Variants in ZNF197 observed in about 807,000 individuals in gnomAD.
ZNF197 encodes the protein zinc finger protein 197, also known as VHL-associated KRAB-A domain-containing protein.
ZNF197 carries 14 observed loss-of-function variants against 27.4 expected under a neutral mutation model. That is an observed-to-expected ratio of 0.51 (90% CI 0.34 to 0.80). The LOEUF is 0.80. ZNF197 is among the 30% of genes least tolerant of loss of function. The pLI is 0.02. For synonymous variants in ZNF197, 415 were observed against 420.0 expected (o/e 0.99, Z 0.15); for missense variants, 1,090 against 1,222.6 (o/e 0.89, Z 1.62).
rs1429259449 is a variant in ZNF197, at chr3:44,645,163, CATG to C, written c.*946_*948del. On this transcript the variant is annotated 3_prime_UTR_variant, in exon 6 of 6. Coordinates refer to ENST00000344387, the MANE Select transcript of ZNF197 (RefSeq NM_006991.5). Reference sequence around the variant, plus strand: ...TAGTTTCCTGTCAGTCAAATGTTGACATGATACCTACCTCACAGGGTTGTTGTG... The same window carrying C: ...TAGTTTCCTGTCAGTCAAATGTTGACATACCTACCTCACAGGGTTGTTGTG... 4.4e-5 allele frequency: 43 copies of C among 967,586 alleles called. No homozygotes were observed. The highest frequency in any genetic ancestry group is 5.3e-5 in the Non-Finnish European group (43 of 813,730). 59.9% of individuals were successfully genotyped at this position (967,586 alleles called of 1,614,324 possible). A position where few individuals can be genotyped will look rare whatever the true frequency, so the allele number is the denominator to read the frequency against.
In ZNF197 at chr3:44,646,638, C is replaced by G; in HGVS notation, c.*2418C>G. ...AAAAGAGAGGGGAGTGAAAATTGTTCAAGCTGTCTTGAGTCTGCTGTGAGT... is the reference window on the plus strand; with the variant it reads ...AAAAGAGAGGGGAGTGAAAATTGTTGAAGCTGTCTTGAGTCTGCTGTGAGT... On this transcript the variant is annotated 3_prime_UTR_variant, in exon 6 of 6. Coordinates refer to ENST00000344387, the MANE Select transcript of ZNF197 (RefSeq NM_006991.5). 1 of 717,814 alleles carries G rather than the reference C, an allele frequency of 1.4e-6. No individual in the cohort carries two copies. Among genetic ancestry groups the G allele is most frequent in the Non-Finnish European group, 2.5e-6 (1 of 399,216 alleles). The allele number at this position is 717,814 out of a possible 1,614,324, so 44.5% of individuals were successfully genotyped here.
At chr3:44,632,036 C>T in intron 3 of ZNF197, 69 bp from the exon 4 acceptor site, 1 of 1,357,676 alleles carries the variant, frequency 7.4e-7, no homozygotes, top group Non-Finnish European at 1.1e-6. Context: ...TGTGTTATTC[C>T]AGCTCTGCAA....
At chr3:44,639,319 G>T (rs925307090) in intron 5 of ZNF197, among the ~76,000 whole-genome samples, 1 of 151,900 alleles carries the variant, frequency 6.6e-6, no homozygotes, top group Admixed American at 6.6e-5. Flanking sequence ...TTGCTATCAG[G>T]GCAACACTGG....
chr3:44,642,388 C>CTGA lies in ZNF197; in HGVS notation c.1258_1259insTGA (p.His420delinsLeuAsn). 1 of 1,614,092 alleles carries CTGA rather than the reference C, an allele frequency of 6.2e-7. No homozygotes were observed. The highest frequency in any genetic ancestry group is 8.5e-7 in the Non-Finnish European group (1 of 1,179,998). On this transcript the variant is annotated protein_altering_variant, in exon 6 of 6. Transcript: ENST00000344387. ...GAGCCTTCTAATGCATTTACGGAAC[C>CTGA]ATTCAGGGGAGAAACCTTATAAATG...
At chr3:44,637,659 C>T (rs1255776304) in intron 5 of ZNF197, among the ~76,000 whole-genome samples, 2 of 151,988 alleles carry the variant, frequency 1.3e-5, no homozygotes, top group Non-Finnish European at 2.9e-5. Flanking sequence ...GATAAGGATC[C>T]ATCTTCATTC....
Position 44,644,522 on chromosome 3 carries a change from C to T in ZNF197, c.*302C>T. The T allele has an allele frequency of 4.9e-6, 4 of 819,476 alleles. No individual in the cohort carries two copies. Among genetic ancestry groups the T allele is most frequent in the Non-Finnish European group, 6.0e-6 (4 of 666,328 alleles). 50.8% of individuals were successfully genotyped at this position (819,476 alleles called of 1,614,324 possible). On this transcript the variant is annotated 3_prime_UTR_variant, in exon 6 of 6. Coordinates refer to ENST00000344387, the MANE Select transcript of ZNF197 (RefSeq NM_006991.5). ...GCATGGGGGCACACACCGGTAATCCCAGCTACTCAGGAGGCTGAGACAGGA... is the reference window on the plus strand; with the variant it reads ...GCATGGGGGCACACACCGGTAATCCTAGCTACTCAGGAGGCTGAGACAGGA...
intron 5 of ZNF197, among the ~76,000 whole-genome samples, chr3:44,633,997 G>A (rs1015170737): frequency 6.6e-6 from 1 of 152,032 alleles, no homozygotes; most frequent in African/African-American, 2.4e-5. Flanking sequence ...GGCAGTGGTG[G>A]GTGAAACAGT....
At position 44,640,854 on chromosome 3, in the gene ZNF197, G is replaced by A. The variant is rs972802657; in HGVS notation, c.770-1046G>A. ...AGATATGAGGGCCTGACCTAAGAAT[G>A]TCTGTAGTTCAAGTTAATATTTGTT... On this transcript the variant is annotated intron_variant, in intron 5 of 5. Transcript: ENST00000344387. The surrounding 1 kb of genome is among the most constrained non-coding windows in gnomAD (Gnocchi z 4.0). 6.6e-6 allele frequency among the ~76,000 whole-genome samples: 1 copy of A among 152,208 alleles called. No individual in the cohort carries two copies. The highest frequency in any genetic ancestry group is 1.5e-5 in the Non-Finnish European group (1 of 68,036).
intron 2 of ZNF197, chr3:44,630,708 A>G (rs1701939799): frequency 2.6e-6 from 1 of 389,324 alleles, no homozygotes; most frequent in South Asian, 2.0e-5. Flanking sequence ...GTAAATAAGT[A>G]GAAGAGATGT....
intron 1 of ZNF197, among the ~76,000 whole-genome samples, chr3:44,625,764 AC>A (rs1203151495): frequency 6.6e-6 from 1 of 151,908 alleles, no homozygotes; most frequent in African/African-American, 2.4e-5. Flanking sequence ...ACACACACAC[AC>A]ACACACACAC....
intron 5 of ZNF197, among the ~76,000 whole-genome samples, chr3:44,638,155 A>T (rs1263246422): frequency 1.3e-5 from 2 of 152,218 alleles, no homozygotes; most frequent in Admixed American, 1.3e-4. Flanking sequence ...TTTTCAGAAT[A>T]TAAGAATATA....
At chr3:44,633,510 G>A (rs890674797) in intron 5 of ZNF197, among the ~76,000 whole-genome samples, 1 of 152,208 alleles carries the variant, frequency 6.6e-6, no homozygotes, top group Non-Finnish European at 1.5e-5. Context: ...AGGCCATAAA[G>A]GAGGTAGCAT....
chr3:44,638,204 T>C (rs1188620143), intron 5 of ZNF197, among the ~76,000 whole-genome samples: 3 of 152,178 alleles, frequency 2.0e-5, no homozygotes, highest in Non-Finnish European at 4.4e-5. Flanking sequence ...CCTAATCTTA[T>C]TGTTTGAGAC....
chr3:44,632,860 C>T (rs1466988753), intron 5 of ZNF197, among the ~76,000 whole-genome samples: 3 of 151,858 alleles, frequency 2.0e-5, no homozygotes, highest in Admixed American at 2.0e-4. Context: ...TTATAGCTTG[C>T]TTTCCTTGTG....
intron 3 of ZNF197, 70 bp from the exon 4 acceptor site, chr3:44,632,035 C>T (rs1702043033): frequency 7.4e-7 from 1 of 1,344,010 alleles, no homozygotes; most frequent in Non-Finnish European, 1.1e-6. Context: ...TTGTGTTATT[C>T]CAGCTCTGCA....
rs1354350139 is a variant in ZNF197, at chr3:44,645,052, C to T, written c.*832C>T. On this transcript the variant is annotated 3_prime_UTR_variant, in exon 6 of 6. Transcript: ENST00000344387. Reference sequence around the variant, plus strand: ...CTGATGAGGACAACCTAAAAGAGCACTGGATTTGGAATCAGAAGACCTACC... The same window carrying T: ...CTGATGAGGACAACCTAAAAGAGCATTGGATTTGGAATCAGAAGACCTACC... 2 of 985,368 alleles carry T rather than the reference C, an allele frequency of 2.0e-6. No homozygotes were observed. Among genetic ancestry groups the T allele is most frequent in the South Asian group, 9.4e-5 (2 of 21,284 alleles). The allele number at this position is 985,368 out of a possible 1,614,324, so 61.0% of individuals were successfully genotyped here.
At chr3:44,634,766 C>T (rs1454206407) in intron 5 of ZNF197, among the ~76,000 whole-genome samples, 1 of 152,100 alleles carries the variant, frequency 6.6e-6, no homozygotes, top group Non-Finnish European at 1.5e-5. Flanking sequence ...TCTTATTTAT[C>T]ATTTTATTTT....
rs1199568794 is a variant in ZNF197 at position 44,642,987 on chromosome 3, G to A, written c.1857G>A (p.Glu619=). The A allele has an allele frequency of 6.2e-7, 1 of 1,614,010 alleles. No homozygotes were observed. The highest frequency in any genetic ancestry group is 1.1e-5 in the South Asian group (1 of 91,066). The change falls in exon 6 of 6, where the codon GAG becomes GAA. Residue 619 remains glutamate, a synonymous_variant. Transcript: ENST00000344387. ...FIDHKRMHSR[E]KPYKCTECGK... ...ACCATAAGAGGATGCACAGCAGAGA[G>A]AAACCTTACAAATGCACTGAATGTG...
chr3:44,645,482 A>C lies in ZNF197; in HGVS notation c.*1262A>C, dbSNP rs1281669012. 6.1e-6 allele frequency: 6 copies of C among 985,298 alleles called. No homozygotes were observed. Among genetic ancestry groups the C allele is most frequent in the Non-Finnish European group, 7.2e-6 (6 of 829,928 alleles). 61.0% of individuals were successfully genotyped at this position (985,298 alleles called of 1,614,324 possible). On this transcript the variant is annotated 3_prime_UTR_variant, in exon 6 of 6. Transcript: ENST00000344387. ...TAGATTATATATCTAGTTTATGTATATGGAAAAAAATGTTATGGCCAGCCA... is the reference window on the plus strand; with the variant it reads ...TAGATTATATATCTAGTTTATGTATCTGGAAAAAAATGTTATGGCCAGCCA...
Sources: allele counts gnomAD v4.1 joint callset (sites outside exome capture counted in the v4.1 genomes callset), GRCh38; gene constraint gnomAD v4.1.1; non-coding constraint Gnocchi (gnomAD v3.1); transcripts MANE v1.5; gene names NCBI Gene and HGNC (gene_info 2026-07-23, HGNC 2026-07-21).